The following CBFA2T3 variants were observed in gnomAD, a reference collection of about 807,000 sequenced individuals.
CBFA2T3 encodes transcriptional corepressor CBFA2T3.
A neutral mutation model predicts 58.6 loss-of-function variants in CBFA2T3; 31 were observed. The observed-to-expected ratio is 0.53, with a 90% CI of 0.40 to 0.71. The LOEUF (loss-of-function observed/expected upper bound fraction) is 0.71. Among genes scored for constraint, CBFA2T3 ranks in the 30% least tolerant of loss-of-function variants. CBFA2T3 has a pLI of 0.00. For missense variants in CBFA2T3, 1,076 were observed against 963.1 expected (o/e 1.12, Z -1.55); for synonymous variants, 531 against 421.9 (o/e 1.26, Z -3.17).
chr16:88,887,468 T>A (rs955324031), intron 5 of CBFA2T3, among the ~76,000 whole-genome samples: 5 of 152,088 alleles, frequency 3.3e-5, no homozygotes, highest in Non-Finnish European at 7.4e-5. Flanking sequence ...TGAGGCCAGC[T>A]GGGAGCCGGG....
chr16:88,936,487 C>A (rs1008427343), intron 1 of CBFA2T3, among the ~76,000 whole-genome samples: 1 of 151,564 alleles, frequency 6.6e-6, no homozygotes, highest in Non-Finnish European at 1.5e-5. Context: ...GTATCCACCA[C>A]GACCCCAGCC....
intron 1 of CBFA2T3, among the ~76,000 whole-genome samples, chr16:88,975,224 C>CCCTGACCCTCT (rs1567644127): frequency 2.9e-4 from 29 of 99,676 alleles, no homozygotes; most frequent in Admixed American, 2.1e-3. Context: ...CTGCTCCTCA[C>CCCTGACCCTCT]CTGCAGCCAT....
At chr16:88,916,856 T>A (rs1272498884) in intron 1 of CBFA2T3, among the ~76,000 whole-genome samples, 1 of 151,900 alleles carries the variant, frequency 6.6e-6, no homozygotes, top group Non-Finnish European at 1.5e-5. Context: ...TCATATTGGT[T>A]ACTAGACAGG....
intron 2 of CBFA2T3, among the ~76,000 whole-genome samples, chr16:88,900,541 G>A (rs1019649800): frequency 1.3e-5 from 2 of 152,190 alleles, no homozygotes; most frequent in African/African-American, 4.8e-5. Flanking sequence ...TCAGGGACCC[G>A]GGGCAAGCAG....
chr16:88,962,663 C>T (rs535687959), intron 1 of CBFA2T3, among the ~76,000 whole-genome samples: 7 of 152,344 alleles, frequency 4.6e-5, no homozygotes, highest in South Asian at 4.1e-4. Flanking sequence ...GAGACAGCCA[C>T]GTAGCCGGAG....
At chr16:88,936,055 C>G (rs1012424107) in intron 1 of CBFA2T3, among the ~76,000 whole-genome samples, 1 of 152,166 alleles carries the variant, frequency 6.6e-6, no homozygotes, top group Non-Finnish European at 1.5e-5. Flanking sequence ...AGCCCCTCCC[C>G]ACCTGTAAGA....
rs1597687958 is a variant in CBFA2T3 at position 88,895,891 on chromosome 16, T to G, written c.379+2187A>C. Reference sequence around the variant, plus strand: ...TGTGAGTCAGACTCGGCGCCTAGCCTCAGTTTCTTCATTTGCAAATGGCTC... The same window carrying G: ...TGTGAGTCAGACTCGGCGCCTAGCCGCAGTTTCTTCATTTGCAAATGGCTC... On this transcript the variant is annotated intron_variant, in intron 3 of 11. Transcript: ENST00000268679. 2.0e-5 allele frequency among the ~76,000 whole-genome samples: 3 copies of G among 152,206 alleles called. No individual in the cohort carries two copies. The East Asian group carries it at 5.8e-4, about 29-fold the overall frequency.
chr16:88,897,644 G>A (rs11639852), intron 3 of CBFA2T3, among the ~76,000 whole-genome samples: 26,547 of 152,140 alleles, frequency 0.17, 2,480 homozygotes, highest in East Asian at 0.43. Flanking sequence ...ACTGAGGCAC[G>A]GGGGGTGGTA....
chr16:88,913,438 C>T (rs377089763), intron 1 of CBFA2T3, among the ~76,000 whole-genome samples: 2 of 152,206 alleles, frequency 1.3e-5, no homozygotes, highest in East Asian at 1.9e-4. Flanking sequence ...TGTTACATGG[C>T]GATAGCTGAC....
chr16:88,905,762 C>CGGTGGGGATGAGGG lies in CBFA2T3; in HGVS notation c.152-4120_152-4107dup, dbSNP rs1393247643. Among the ~76,000 whole-genome samples the CGGTGGGGATGAGGG allele has an allele frequency of 1.2e-4, 4 of 33,606 alleles. No homozygotes were observed. In the Admixed American group the frequency reaches 1.4e-3, roughly 12 times the overall value. The allele number at this position is 33,606 out of a possible 152,430, so 22.0% of individuals were successfully genotyped here. A position where few individuals can be genotyped will look rare whatever the true frequency, so the allele number is the denominator to read the frequency against. On this transcript the variant is annotated intron_variant, in intron 1 of 11. Coordinates refer to ENST00000268679, the MANE Select transcript of CBFA2T3 (RefSeq NM_005187.6). Reference sequence around the variant, plus strand: ...GGACTGGAGGGGCGGGGCTGAAGGACGGTGGGGATGAGGGGGCGGGGCTGA... The same window carrying CGGTGGGGATGAGGG: ...GGACTGGAGGGGCGGGGCTGAAGGACGGTGGGGATGAGGGGGTGGGGATGAGGGGGCGGGGCTGA...
Position 88,886,019 on chromosome 16 carries a change from C to T in CBFA2T3, c.835G>A (p.Asp279Asn), listed in dbSNP as rs760240668. 36 of 1,564,650 alleles carry T rather than the reference C, an allele frequency of 2.3e-5. No individual in the cohort carries two copies. Among genetic ancestry groups the T allele is most frequent in the Admixed American group, 7.7e-5 (4 of 51,996 alleles). ...LLDASASSPI[D>N]SSELLLEVNE... ...ACTTCCAGTAGCAGCTCTGAGGAGT[C>T]GATGGGGGAGGAGGCGCTGGCGTCC... The change falls in exon 6 of 12, where the codon GAC becomes AAC. Residue 279 changes from aspartate to asparagine, a missense_variant. Transcript: ENST00000268679.
intron 1 of CBFA2T3, among the ~76,000 whole-genome samples, chr16:88,916,498 G>C (rs2142722602): frequency 1.3e-5 from 2 of 152,274 alleles, no homozygotes; most frequent in South Asian, 4.1e-4. Flanking sequence ...GTATTCGTGG[G>C]GTGGGTGTTG....
chr16:88,943,427 C>G (rs1005486140), intron 1 of CBFA2T3, among the ~76,000 whole-genome samples: 1 of 152,258 alleles, frequency 6.6e-6, no homozygotes, highest in Non-Finnish European at 1.5e-5. Flanking sequence ...CCTGAAGGCA[C>G]TGAAGATACC....
intron 1 of CBFA2T3, among the ~76,000 whole-genome samples, chr16:88,951,693 CAGG>C (rs1469792319): frequency 6.6e-6 from 1 of 151,918 alleles, no homozygotes; most frequent in African/African-American, 2.4e-5. Flanking sequence ...GCGATTGGTC[CAGG>C]AGGAGGGCAG....
chr16:88,969,703 T>C (rs1237907398), intron 1 of CBFA2T3, among the ~76,000 whole-genome samples: 1 of 152,122 alleles, frequency 6.6e-6, no homozygotes, highest in Non-Finnish European at 1.5e-5. Context: ...TCTTGCAGGC[T>C]CAGGGCAGCA....
At chr16:88,881,697 A>C (rs1969090038) in intron 8 of CBFA2T3, 3 of 539,194 alleles carry the variant, frequency 5.6e-6, no homozygotes, top group Non-Finnish European at 9.9e-6. Flanking sequence ...GGGGTACCAG[A>C]CTCACATGGA....
At chr16:88,926,488 T>C (rs1228260732) in intron 1 of CBFA2T3, among the ~76,000 whole-genome samples, 5 of 152,150 alleles carry the variant, frequency 3.3e-5, no homozygotes, top group African/African-American at 1.2e-4. Context: ...TCTCTTTCTA[T>C]CTCTCCTGCT....
In CBFA2T3 at chr16:88,877,139, G is replaced by T. The variant is rs960447317; in HGVS notation, c.1799C>A (p.Thr600Lys). 2.7e-5 allele frequency: 42 copies of T among 1,549,948 alleles called. No individual in the cohort carries two copies. Among genetic ancestry groups the T allele is most frequent in the Non-Finnish European group, 3.6e-5 (41 of 1,147,366 alleles). The change falls in exon 12 of 12, where the codon ACA becomes AAA. Residue 600 changes from threonine (T) to lysine (K), a missense_variant. Coordinates refer to ENST00000268679, the MANE Select transcript of CBFA2T3 (RefSeq NM_005187.6). ...AGGCACCGGGTCGGCCACCACGGCT[G>T]TGGGGCCCTGCAGGCTCTGGCCACA... ...HVCGQSLQGPTAVVADPVPGP... is the reference protein window; with the variant it reads ...HVCGQSLQGPKAVVADPVPGP...
In CBFA2T3 at chr16:88,958,042, G is replaced by A. The variant is rs11640986; in HGVS notation, c.151+18615C>T. ...TGGAAAACCACAGTAGACCCGGAAC[G>A]AAAGTACCTGTGAGCTGCTCACAAT... is the stretch of plus-strand genomic sequence containing the variant. On this transcript the variant is annotated intron_variant, in intron 1 of 11. Coordinates refer to ENST00000268679, the MANE Select transcript of CBFA2T3 (RefSeq NM_005187.6). The surrounding 1 kb of genome is among the most constrained non-coding windows in gnomAD (Gnocchi z 4.0). Among the ~76,000 whole-genome samples the A allele has an allele frequency of 0.058, 8,870 of 152,278 alleles. 332 individuals are homozygous for A. Among genetic ancestry groups the A allele is most frequent in the Non-Finnish European group, 0.088 (5,969 of 68,020 alleles).
Sources: allele counts gnomAD v4.1 joint callset (sites outside exome capture counted in the v4.1 genomes callset), GRCh38; gene constraint gnomAD v4.1.1; non-coding constraint Gnocchi (gnomAD v3.1); transcripts MANE v1.5; gene names NCBI Gene and HGNC (gene_info 2026-07-23, HGNC 2026-07-21).